Variants in LINGO2 observed in about 807,000 individuals in gnomAD.
LINGO2 encodes the protein leucine-rich repeat and immunoglobulin-like domain-containing nogo receptor-interacting protein 2.
In LINGO2, 14 loss-of-function variants were observed where a neutral mutation model predicts 30.6. That is an observed-to-expected ratio of 0.46 (90% CI 0.30 to 0.72). LINGO2 has a LOEUF of 0.72. LINGO2 is among the 30% of genes least tolerant of loss of function. The probability of loss-of-function intolerance (pLI) is 0.07; values close to 1 mark genes in which losing one functional copy is unlikely to be tolerated. For missense variants in LINGO2, 729 were observed against 751.7 expected, an observed-to-expected ratio of 0.97 and a Z score of 0.35; for synonymous variants, 317 against 288.5, an observed-to-expected ratio of 1.10 and a Z score of -1.00.
At chr9:28,838,761 G>A in the LINGO2 span, among the ~76,000 whole-genome samples, 5 of 152,212 alleles carry the variant, frequency 3.3e-5, no homozygotes, top group African/African-American at 1.2e-4. Context: ...GCGCCCACTG[G>A]CTGGGCTCAT....
chr9:28,215,413 T>TA (rs569154038), intron 4 of LINGO2, among the ~76,000 whole-genome samples: 3 of 151,732 alleles, frequency 2.0e-5, no homozygotes, highest in Non-Finnish European at 4.4e-5. Context: ...AGTCAAGAGG[T>TA]AAAAATGTTG....
intron 1 of LINGO2, among the ~76,000 whole-genome samples, chr9:28,571,404 G>A (rs1202776407): frequency 6.6e-6 from 1 of 152,014 alleles, no homozygotes; most frequent in Non-Finnish European, 1.5e-5. Flanking sequence ...AAAACACTCT[G>A]TACAGAGATT....
intron 4 of LINGO2, among the ~76,000 whole-genome samples, chr9:28,104,324 C>G (rs571852895): frequency 8.7e-6 from 1 of 115,534 alleles, no homozygotes; most frequent in Admixed American, 1.3e-4. Flanking sequence ...GAATGAGAAA[C>G]ATGATGTATA....
At chr9:28,003,810 T>C (rs1413690308) in intron 5 of LINGO2, among the ~76,000 whole-genome samples, 1 of 152,204 alleles carries the variant, frequency 6.6e-6, no homozygotes, top group African/African-American at 2.4e-5. Context: ...GGTTTTGTTA[T>C]ATGTCCTAAG....
chr9:28,676,616 A>G, the LINGO2 span, among the ~76,000 whole-genome samples: 1 of 152,072 alleles, frequency 6.6e-6, no homozygotes. Context: ...CTTTTAAAAC[A>G]TGTGTTGTTG....
At chr9:28,561,781 A>ATATATATATATAT (rs1491164807) in intron 1 of LINGO2, among the ~76,000 whole-genome samples, 1 of 102,314 alleles carries the variant, frequency 9.8e-6, no homozygotes, top group Non-Finnish European at 1.8e-5. Flanking sequence ...ATATATATAT[A>ATATATATATATAT]AAAAATATGC....
At chr9:28,021,628 T>C (rs957612140) in intron 4 of LINGO2, among the ~76,000 whole-genome samples, 2 of 152,144 alleles carry the variant, frequency 1.3e-5, no homozygotes, top group Non-Finnish European at 2.9e-5. Context: ...GGTCCATTTC[T>C]CCTTGGAATT....
exon 6 of LINGO2, chr9:27,950,561 C>A (rs967342729): frequency 2.6e-6 from 4 of 1,547,976 alleles, no homozygotes. Context: ...CAGATTTGTT[C>A]TGGGCAGAGC....
At chr9:28,476,380 A>G (rs971820980) in intron 1 of LINGO2, among the ~76,000 whole-genome samples, 3 of 152,102 alleles carry the variant, frequency 2.0e-5, no homozygotes, top group African/African-American at 7.2e-5. Flanking sequence ...GGTTCACGCC[A>G]TTCTCCTGCC....
intron 1 of LINGO2, among the ~76,000 whole-genome samples, chr9:28,542,773 G>A (rs1346831786): frequency 1.3e-5 from 2 of 152,030 alleles, no homozygotes; most frequent in Non-Finnish European, 2.9e-5. Flanking sequence ...CATGAGAGCA[G>A]TGATGTGTTC....
At chr9:28,625,052 C>T (rs1344083864) in intron 1 of LINGO2, among the ~76,000 whole-genome samples, 1 of 151,910 alleles carries the variant, frequency 6.6e-6, no homozygotes, top group Non-Finnish European at 1.5e-5. Flanking sequence ...TAGAAGTTGC[C>T]TAGGAATTTC....
At chr9:28,090,011 AG>A (rs1301008220) in intron 4 of LINGO2, among the ~76,000 whole-genome samples, 2 of 152,236 alleles carry the variant, frequency 1.3e-5, no homozygotes, top group African/African-American at 4.8e-5. Flanking sequence ...AGACTAAACC[AG>A]GAAGAAGTTG....
Position 28,490,669 on chromosome 9 carries a change from C to T in LINGO2, c.-364-14644G>A, listed in dbSNP as rs145598081. On this transcript the variant is annotated intron_variant, in intron 1 of 5. Transcript: ENST00000379992. ...TATGTGAAGTGTCCTACCTAATGGC[C>T]AATATAAACCTATATCTTAAATATC... Among the ~76,000 whole-genome samples the T allele has an allele frequency of 9.0e-3, 1,365 of 152,128 alleles. 8 individuals are homozygous for T. Among genetic ancestry groups the T allele is most frequent in the Non-Finnish European group, 0.015 (1,053 of 68,006 alleles).
chr9:28,694,154 T>C, the LINGO2 span, among the ~76,000 whole-genome samples: 4 of 151,976 alleles, frequency 2.6e-5, no homozygotes, highest in African/African-American at 4.8e-5. Context: ...TGTGAGACAG[T>C]TGTTTTATTA....
chr9:29,017,493 A>T, the LINGO2 span, among the ~76,000 whole-genome samples: 2 of 152,136 alleles, frequency 1.3e-5, no homozygotes, highest in Non-Finnish European at 2.9e-5. Context: ...AGCAATATTA[A>T]AAATAATAAT....
At chr9:28,385,163 T>A (rs1366156297) in intron 2 of LINGO2, among the ~76,000 whole-genome samples, 1 of 152,146 alleles carries the variant, frequency 6.6e-6, no homozygotes, top group Admixed American at 6.6e-5. Flanking sequence ...AAGAATATGT[T>A]TTTATGGCCA....
chr9:28,730,131 T>C, the LINGO2 span, among the ~76,000 whole-genome samples: 11 of 152,180 alleles, frequency 7.2e-5, no homozygotes, highest in African/African-American at 2.7e-4. Context: ...ATCTGCCATC[T>C]ACTCTTTCAC....
intron 4 of LINGO2, among the ~76,000 whole-genome samples, chr9:28,254,643 G>T (rs532353674): frequency 2.0e-5 from 3 of 151,998 alleles, no homozygotes; most frequent in East Asian, 3.9e-4. Flanking sequence ...TATGTATAAA[G>T]GTGCCATAAC....
In LINGO2 at chr9:28,017,140, T is replaced by C. The variant is rs75929603; in HGVS notation, c.-86-4735A>G. ...AAAAGGCTTTTGATAAAAGCCAACA[T>C]CCCTTCATGTTAAAAACTCTCAATA... On this transcript the variant is annotated intron_variant, in intron 4 of 5. Transcript: ENST00000379992. Among the ~76,000 whole-genome samples the C allele has an allele frequency of 6.6e-3, 1,006 of 152,054 alleles. 6 individuals are homozygous for C. The highest frequency in any genetic ancestry group is 0.023 in the African/African-American group (944 of 41,502).
Sources: allele counts gnomAD v4.1 joint callset (sites outside exome capture counted in the v4.1 genomes callset), GRCh38; gene constraint gnomAD v4.1.1; transcripts MANE v1.5; gene names NCBI Gene and HGNC (gene_info 2026-07-23, HGNC 2026-07-21).